Variants in RAD52 observed in about 807,000 individuals in gnomAD.
RAD52 encodes RAD52 DNA repair protein.
Under a neutral mutation model 55.5 loss-of-function variants are expected in RAD52, and 47 were observed. The observed-to-expected ratio is 0.85, with a 90% confidence interval of 0.67 to 1.08. RAD52 has a LOEUF of 1.08. RAD52 is among the 50% of genes least tolerant of loss of function. RAD52 has a pLI of 0.00. For missense variants in RAD52, 468 were observed against 522.8 expected (o/e 0.90, Z 1.02); for synonymous variants, 184 against 198.9 (o/e 0.92, Z 0.63).
chr12:928,148 T>C (rs540631393), intron 5 of RAD52, among the ~76,000 whole-genome samples: 1 of 152,340 alleles, frequency 6.6e-6, no homozygotes, highest in East Asian at 1.9e-4. Flanking sequence ...TACTCACTCA[T>C]AGATACAAGA....
intron 1 of RAD52, among the ~76,000 whole-genome samples, chr12:981,959 G>A (rs372054112): frequency 4.6e-5 from 7 of 152,084 alleles, no homozygotes; most frequent in African/African-American, 1.7e-4. Context: ...TTGGTCCTGG[G>A]TAGCAGCCAT....
rs11381919 is a variant in RAD52, at chr12:912,308, GA to G, written c.*1082del. ...AACAGTTTATGCAGCGACCCTAAGA[GA>G]AAAAAAAACCCAGCCCTCTTCAGCT... On this transcript the variant is annotated 3_prime_UTR_variant, in exon 12 of 12. Coordinates refer to ENST00000358495, the MANE Select transcript of RAD52 (RefSeq NM_134424.4). 8 of 196,286 alleles carry G rather than the reference GA, an allele frequency of 4.1e-5. No individual in the cohort carries two copies. The highest frequency in any genetic ancestry group is 2.0e-4 in the South Asian group (1 of 5,108). 12.2% of individuals were successfully genotyped at this position (196,286 alleles called of 1,614,324 possible).
intron 9 of RAD52, among the ~76,000 whole-genome samples, chr12:915,803 T>C (rs1305245769): frequency 1.3e-5 from 2 of 152,142 alleles, no homozygotes; most frequent in Non-Finnish European, 2.9e-5. Flanking sequence ...CTGCAACCTC[T>C]GCCTTCTGGA....
At chr12:963,648 C>T (rs1958717334) in intron 1 of RAD52, among the ~76,000 whole-genome samples, 1 of 151,830 alleles carries the variant, frequency 6.6e-6, no homozygotes, top group African/African-American at 2.4e-5. Context: ...TTTGTTGATA[C>T]TATAAATAGA....
intron 2 of RAD52, 46 bp downstream of exon 2, chr12:932,929 A>C (rs780669824): frequency 1.5e-5 from 21 of 1,431,590 alleles, no homozygotes; most frequent in Non-Finnish European, 2.1e-5. Flanking sequence ...CCCTAACTTT[A>C]CTCACTTCAC....
intron 1 of RAD52, among the ~76,000 whole-genome samples, chr12:984,668 C>CTT (rs762015138): frequency 3.5e-5 from 5 of 144,100 alleles, no homozygotes; most frequent in Non-Finnish European, 7.6e-5. Flanking sequence ...ATACAAAAGA[C>CTT]TTTTTTTTTT....
chr12:965,153 T>C (rs532169698), intron 1 of RAD52, among the ~76,000 whole-genome samples: 9 of 152,044 alleles, frequency 5.9e-5, no homozygotes, highest in Admixed American at 2.0e-4. Context: ...CTAATTTTTG[T>C]ATTTTTAGTA....
intron 1 of RAD52, among the ~76,000 whole-genome samples, chr12:956,614 T>C (rs971353789): frequency 1.3e-5 from 2 of 152,186 alleles, no homozygotes; most frequent in African/African-American, 4.8e-5. Flanking sequence ...TGGTGTGATA[T>C]TGGCTCACTG....
intron 1 of RAD52, among the ~76,000 whole-genome samples, chr12:969,151 C>T (rs768062149): frequency 2.0e-5 from 3 of 151,920 alleles, no homozygotes; most frequent in Non-Finnish European, 4.4e-5. Context: ...GGAGGATGTA[C>T]GTAGTTTATA....
intron 1 of RAD52, among the ~76,000 whole-genome samples, chr12:947,782 G>A (rs1341090592): frequency 6.6e-6 from 1 of 151,624 alleles, no homozygotes; most frequent in African/African-American, 2.4e-5. Context: ...CAGTTACCGA[G>A]GAGGCTGAGA....
intron 9 of RAD52, 51 bp downstream of exon 9, chr12:916,293 C>T (rs1213426558): frequency 1.9e-6 from 3 of 1,590,832 alleles, no homozygotes; most frequent in Non-Finnish European, 1.7e-6. Context: ...CCTGCGGCTA[C>T]ACTTCCTCCT....
chr12:983,749 C>T (rs959621092), intron 1 of RAD52, among the ~76,000 whole-genome samples: 36 of 152,178 alleles, frequency 2.4e-4, no homozygotes, highest in South Asian at 8.3e-4. Flanking sequence ...TGCACAGGAC[C>T]TTTTCTCTGA....
chr12:914,197 C>T (rs1007803806), intron 10 of RAD52, 76 bp from the exon 11 acceptor site: 1 of 1,421,186 alleles, frequency 7.0e-7, no homozygotes, highest in Admixed American at 2.0e-5. Flanking sequence ...AAAACTGGCC[C>T]TCAGAAATTC....
chr12:943,802 CT>C (rs1258173561), intron 1 of RAD52, among the ~76,000 whole-genome samples: 1 of 15,622 alleles, frequency 6.4e-5, no homozygotes, highest in Non-Finnish European at 1.3e-4. Context: ...GTTTTTTTTG[CT>C]TTTTTAAGTG....
At chr12:913,780 T>C (rs1956215860) in intron 11 of RAD52, 114 bp downstream of exon 11, 2 of 1,001,826 alleles carry the variant, frequency 2.0e-6, no homozygotes, top group Non-Finnish European at 1.5e-6. Flanking sequence ...CATTCCCTAA[T>C]AGAAGTTCCC....
intron 1 of RAD52, among the ~76,000 whole-genome samples, chr12:960,525 C>T (rs184644163): frequency 3.9e-5 from 6 of 152,282 alleles, no homozygotes; most frequent in East Asian, 3.9e-4. Context: ...GAGCTGCACT[C>T]GATCATAGCA....
chr12:948,669 A>T (rs534011036), intron 1 of RAD52, among the ~76,000 whole-genome samples: 8 of 123,562 alleles, frequency 6.5e-5, no homozygotes, highest in South Asian at 5.8e-4. Flanking sequence ...ACTTTTTTTT[A>T]AAAAAGGGAG....
At chr12:972,359 G>A (rs775441459) in intron 1 of RAD52, among the ~76,000 whole-genome samples, 2 of 152,102 alleles carry the variant, frequency 1.3e-5, no homozygotes, top group African/African-American at 2.4e-5. Flanking sequence ...ATGAGAAAAT[G>A]GCTGTTTCAC....
At chr12:921,379 G>A (rs910763200) in intron 7 of RAD52, among the ~76,000 whole-genome samples, 6 of 152,222 alleles carry the variant, frequency 3.9e-5, no homozygotes, top group African/African-American at 1.4e-4. Flanking sequence ...GGCCAAGGCA[G>A]GTGGATCACT....
Sources: gnomAD v4.1 joint callset for allele counts (sites outside exome capture counted in the v4.1 genomes callset) on GRCh38, gnomAD v4.1.1 for gene constraint, MANE v1.5 for transcripts, NCBI Gene and HGNC (gene_info 2026-07-23, HGNC 2026-07-21) for gene names.